The following CFAP52 variants were observed in gnomAD, a reference collection of about 807,000 sequenced individuals.
The protein encoded by CFAP52 is cilia and flagella associated protein 52.
CFAP52 carries 57 observed loss-of-function variants against 70.5 expected under a neutral mutation model. That is an observed-to-expected ratio of 0.81 (90% CI 0.65 to 1.01). The LOEUF (loss-of-function observed/expected upper bound fraction) is 1.01. Ranked by LOEUF, CFAP52 falls within the 50% of genes least tolerant of loss-of-function variation. The probability of loss-of-function intolerance (pLI) is 0.00; values close to 1 mark genes in which losing one functional copy is unlikely to be tolerated. For missense variants in CFAP52, 785 were observed against 788.5 expected (o/e 1.00, Z 0.05); for synonymous variants, 267 against 292.5 (o/e 0.91, Z 0.89).
At chr17:9,631,056 A>AGAGAGAGAGAGAGAG (rs1229380118) in intron 9 of CFAP52, among the ~76,000 whole-genome samples, 29 of 70,862 alleles carry the variant, frequency 4.1e-4, no homozygotes, top group African/African-American at 1.4e-3. Context: ...GAGAGAGAGA[A>AGAGAGAGAGAGAGAG]AGAAAGAAAG....
At chr17:9,585,649 G>A in intron 1 of CFAP52, 124 bp from the exon 2 acceptor site, 1 of 992,688 alleles carries the variant, frequency 1.0e-6, no homozygotes, top group Non-Finnish European at 1.5e-6. Context: ...CCCAGGCTGG[G>A]TGACAAGTGC....
chr17:9,614,911 A>G (rs565309724), intron 8 of CFAP52, among the ~76,000 whole-genome samples: 1 of 152,336 alleles, frequency 6.6e-6, no homozygotes, highest in East Asian at 1.9e-4. Flanking sequence ...TACTGATGCA[A>G]TTTTGTAATC....
intron 6 of CFAP52, among the ~76,000 whole-genome samples, chr17:9,605,221 G>A (rs550247570): frequency 7.9e-5 from 12 of 152,156 alleles, no homozygotes; most frequent in South Asian, 2.1e-4. Context: ...AAAGGGATAC[G>A]TAAACTGTGA....
At chr17:9,586,590 GA>G (rs2151928460) in intron 2 of CFAP52, 107 bp from the exon 3 acceptor site, 1 of 1,130,932 alleles carries the variant, frequency 8.8e-7, no homozygotes. Flanking sequence ...AAAAAAGAAA[GA>G]AAAAAGAAAA....
At chr17:9,600,424 G>T (rs1000500864) in intron 6 of CFAP52, among the ~76,000 whole-genome samples, 1 of 150,850 alleles carries the variant, frequency 6.6e-6, no homozygotes, top group African/African-American at 2.4e-5. Flanking sequence ...GTATTTTTTA[G>T]TACAGACAGG....
chr17:9,632,791 A>G (rs1910609716), intron 9 of CFAP52, 97 bp from the exon 10 acceptor site: 1 of 1,512,822 alleles, frequency 6.6e-7, no homozygotes. Flanking sequence ...GCACAGCACC[A>G]CTCACCAGGC....
rs1361718670 is a variant in CFAP52, at chr17:9,612,387, A to T, written c.933A>T (p.Glu311Asp). 1 of 1,614,200 alleles carries T rather than the reference A, an allele frequency of 6.2e-7. No homozygotes were observed. ...EGHQFLVGTE[E>D]SHIYRVSFTD... ...ACCAGTTTCTCGTAGGAACAGAAGA[A>T]TCGCACATTTATCGTGTCAGCTTCA... Residue 311 changes from glutamate to aspartate, a missense_variant, in exon 8 of 14, where the codon GAA becomes GAT. Transcript: ENST00000352665.
intron 11 of CFAP52, among the ~76,000 whole-genome samples, chr17:9,636,228 AAAG>A (rs1221743072): frequency 6.7e-6 from 1 of 150,174 alleles, no homozygotes; most frequent in African/African-American, 2.5e-5. Flanking sequence ...AGAAAGAAAG[AAAG>A]AAAGAAAGAA....
At chr17:9,640,671 T>A (rs1008706333) in intron 12 of CFAP52, among the ~76,000 whole-genome samples, 1 of 152,128 alleles carries the variant, frequency 6.6e-6, no homozygotes, top group African/African-American at 2.4e-5. Context: ...TCTCACTTTG[T>A]CACCCAGGCT....
intron 8 of CFAP52, among the ~76,000 whole-genome samples, chr17:9,622,505 C>T (rs1384403428): frequency 6.6e-6 from 1 of 151,566 alleles, no homozygotes; most frequent in East Asian, 1.9e-4. Context: ...CACACCAGTG[C>T]ATGCCAGCCT....
chr17:9,605,711 A>AG (rs1414475528), intron 6 of CFAP52, among the ~76,000 whole-genome samples: 1 of 151,556 alleles, frequency 6.6e-6, no homozygotes, highest in African/African-American at 2.4e-5. Context: ...AAAAAAAAAA[A>AG]AAAAAAAAAA....
chr17:9,579,898 A>G (rs1290290534), intron 1 of CFAP52, among the ~76,000 whole-genome samples: 2 of 152,232 alleles, frequency 1.3e-5, no homozygotes, highest in African/African-American at 4.8e-5. Flanking sequence ...TATGGTATCA[A>G]TATGTAACTG....
chr17:9,612,422 A>G lies in CFAP52; in HGVS notation c.968A>G (p.Lys323Arg). Residue 323 changes from lysine to arginine, a missense_variant, in exon 8 of 14, where the codon AAA becomes AGA. Lys to Arg is a conservative substitution (Grantham distance 26, BLOSUM62 2). Transcript: ENST00000352665. ...TATCGTGTCAGCTTCACGGATTTCA[A>G]AGAGACGCTCATAGCGACTTGTCAC... The part of the protein sequence containing the change: ...HIYRVSFTDF[K>R]ETLIATCHFD... 6.2e-7 allele frequency: 1 copy of G among 1,614,198 alleles called. No individual in the cohort carries two copies. The highest frequency in any genetic ancestry group is 8.5e-7 in the Non-Finnish European group (1 of 1,180,016).
Position 9,596,055 on chromosome 17 carries a change from G to GTGTGTA in CFAP52, c.536+1736_536+1741dup, listed in dbSNP as rs1240401626. Among the ~76,000 whole-genome samples, 29 of 90,454 alleles carry GTGTGTA rather than the reference G, an allele frequency of 3.2e-4. No individual in the cohort carries two copies. The East Asian group carries it at 4.9e-3, about 15-fold the overall frequency. The allele number at this position is 90,454 out of a possible 152,430, so 59.3% of individuals were successfully genotyped here. A position where few individuals can be genotyped will look rare whatever the true frequency, so the allele number is the denominator to read the frequency against. The stretch of plus-strand genomic sequence containing the variant: ...TGTATATGTATGTAGATATATATGT[G>GTGTGTA]TGTGTATATATATATATATATATAT... On this transcript the variant is annotated intron_variant, in intron 4 of 13. Transcript: ENST00000352665.
rs71135996 is a variant in CFAP52, at chr17:9,598,760, C to CAAAAA, written c.636+433_636+437dup. Among the ~76,000 whole-genome samples, 11 of 132,546 alleles carry CAAAAA rather than the reference C, an allele frequency of 8.3e-5. 1 individual carries two copies. The highest frequency in any genetic ancestry group is 1.5e-4 in the Non-Finnish European group (9 of 61,714). 87.0% of individuals were successfully genotyped at this position (132,546 alleles called of 152,430 possible). A position where few individuals can be genotyped will look rare whatever the true frequency, so the allele number is the denominator to read the frequency against. On this transcript the variant is annotated intron_variant, in intron 5 of 13. Transcript: ENST00000352665. ...TGGACAACAGAGTGACACTCTGTTT[C>CAAAAA]AAAAAAAAAAGAAGAAAAAGTTCAC...
chr17:9,586,592 A>AG, intron 2 of CFAP52, 106 bp from the exon 3 acceptor site: 1 of 1,399,440 alleles, frequency 7.1e-7, no homozygotes, highest in Non-Finnish European at 9.4e-7. Context: ...AAAAGAAAGA[A>AG]AAAAGAAAAG....
intron 4 of CFAP52, among the ~76,000 whole-genome samples, chr17:9,597,996 A>G (rs7220517): frequency 0.98 from 149,016 of 152,244 alleles, 73,000 homozygotes; most frequent in East Asian, 1. Flanking sequence ...AGACGGAGCC[A>G]GGTGTGAATC....
chr17:9,640,387 C>T lies in CFAP52; in HGVS notation c.1576-1337C>T, dbSNP rs571250297. On this transcript the variant is annotated intron_variant, in intron 12 of 13. Coordinates refer to ENST00000352665, the MANE Select transcript of CFAP52 (RefSeq NM_145054.5). ...ATTAGCTATTCTTCCTGATGCTCTTCCTCCCCCCACCCACCACCCCCCGAC... is the reference window on the plus strand; with the variant it reads ...ATTAGCTATTCTTCCTGATGCTCTTTCTCCCCCCACCCACCACCCCCCGAC... Among the ~76,000 whole-genome samples, 250 of 151,868 alleles carry T rather than the reference C, an allele frequency of 1.6e-3. 1 individual carries two copies. Among genetic ancestry groups the T allele is most frequent in the Middle Eastern group, 3.4e-3 (1 of 294 alleles).
chr17:9,584,444 T>C (rs1281771913), intron 1 of CFAP52: 2 of 1,139,292 alleles, frequency 1.8e-6, no homozygotes, highest in East Asian at 5.9e-5. Flanking sequence ...ACTTGACATA[T>C]TAAGGTTGTA....
Sources: allele counts gnomAD v4.1 joint callset (sites outside exome capture counted in the v4.1 genomes callset), GRCh38; gene constraint gnomAD v4.1.1; transcripts MANE v1.5; gene names NCBI Gene and HGNC (gene_info 2026-07-23, HGNC 2026-07-21).